KCNH7: variants seen among roughly 807,000 people sequenced by gnomAD.
KCNH7 encodes the protein voltage-gated inwardly rectifying potassium channel KCNH7.
In KCNH7, 49 loss-of-function variants were observed where a neutral mutation model predicts 120.8. The ratio of observed to expected loss-of-function variants is 0.41; its 90% CI spans 0.32 to 0.51. KCNH7 has a LOEUF of 0.51. KCNH7 is among the 20% of genes least tolerant of loss of function. The pLI, the probability that KCNH7 is intolerant of heterozygous loss-of-function variation, is 0.38. For synonymous variants in KCNH7, 547 were observed against 516.1 expected (o/e 1.06, Z -0.81); for missense variants, 1,097 against 1,446.6 (o/e 0.76, Z 3.92).
chr2:162,631,234 C>T (rs766448596), intron 2 of KCNH7, among the ~76,000 whole-genome samples: 5 of 152,114 alleles, frequency 3.3e-5, no homozygotes, highest in Non-Finnish European at 5.9e-5. Context: ...AGATGAGATG[C>T]TTGCCCTGTA....
chr2:162,661,872 T>G (rs896307628), intron 2 of KCNH7, among the ~76,000 whole-genome samples: 1 of 152,182 alleles, frequency 6.6e-6, no homozygotes, highest in East Asian at 1.9e-4. Flanking sequence ...CAGGTCCTGA[T>G]GTTGGGTTTT....
At chr2:162,691,267 C>T (rs1262177786) in intron 2 of KCNH7, among the ~76,000 whole-genome samples, 1 of 152,062 alleles carries the variant, frequency 6.6e-6, no homozygotes, top group Non-Finnish European at 1.5e-5. Context: ...TTTCTAGGAC[C>T]ACTGTTACGA....
chr2:162,540,646 G>C (rs1260188173), intron 2 of KCNH7, among the ~76,000 whole-genome samples: 3 of 152,098 alleles, frequency 2.0e-5, no homozygotes, highest in Non-Finnish European at 4.4e-5. Flanking sequence ...GACAGGGCAA[G>C]GTGGGGAGAG....
chr2:162,534,560 A>G (rs960049551), intron 3 of KCNH7, among the ~76,000 whole-genome samples: 16 of 151,698 alleles, frequency 1.1e-4, no homozygotes, highest in African/African-American at 3.9e-4. Flanking sequence ...GTTAAGATTG[A>G]TAATTTGAGT....
chr2:162,794,358 C>T (rs551101359), intron 2 of KCNH7, among the ~76,000 whole-genome samples: 2 of 151,982 alleles, frequency 1.3e-5, no homozygotes, highest in Non-Finnish European at 2.9e-5. Context: ...ACTGAGCATG[C>T]AATCTACTTC....
At chr2:162,700,348 C>T (rs1209067400) in intron 2 of KCNH7, among the ~76,000 whole-genome samples, 1 of 152,150 alleles carries the variant, frequency 6.6e-6, no homozygotes, top group African/African-American at 2.4e-5. Flanking sequence ...TTCTGAATCC[C>T]TGTTCATGCT....
intron 2 of KCNH7, among the ~76,000 whole-genome samples, chr2:162,728,579 G>A (rs953102827): frequency 6.6e-6 from 1 of 152,134 alleles, no homozygotes; most frequent in Non-Finnish European, 1.5e-5. Context: ...AGGAGTTCGA[G>A]ACCAGCCTGA....
chr2:162,673,061 G>A (rs965946250), intron 2 of KCNH7, among the ~76,000 whole-genome samples: 1 of 151,994 alleles, frequency 6.6e-6, no homozygotes, highest in Non-Finnish European at 1.5e-5. Context: ...CTTTATAATA[G>A]TTCCACATGC....
At chr2:162,567,127 T>C (rs74326976) in intron 2 of KCNH7, among the ~76,000 whole-genome samples, 5 of 151,930 alleles carry the variant, frequency 3.3e-5, no homozygotes, top group African/African-American at 4.8e-5. Context: ...GGAATAAATA[T>C]GAATATGGTC....
At chr2:162,402,165 A>G (rs1057436061) in intron 9 of KCNH7, among the ~76,000 whole-genome samples, 8 of 151,330 alleles carry the variant, frequency 5.3e-5, no homozygotes, top group Admixed American at 1.3e-4. Context: ...CCTCTCCTAC[A>G]TGATAACTTG....
chr2:162,475,437 C>G (rs1689703044), intron 6 of KCNH7, among the ~76,000 whole-genome samples: 1 of 152,192 alleles, frequency 6.6e-6, no homozygotes, highest in African/African-American at 2.4e-5. Flanking sequence ...CTTGCCTTCC[C>G]CGTCTCCACC....
intron 2 of KCNH7, among the ~76,000 whole-genome samples, chr2:162,660,808 G>T (rs12613520): frequency 1.3e-5 from 2 of 151,996 alleles, no homozygotes; most frequent in South Asian, 2.1e-4. Context: ...CTTTAAAATG[G>T]TATATGTCGA....
intron 6 of KCNH7, among the ~76,000 whole-genome samples, chr2:162,455,355 C>G (rs1295416511): frequency 6.6e-6 from 1 of 151,960 alleles, no homozygotes; most frequent in African/African-American, 2.4e-5. Flanking sequence ...TATAGAGGAT[C>G]TTCACATCAA....
chr2:162,572,272 T>G (rs1693507378), intron 2 of KCNH7, among the ~76,000 whole-genome samples: 1 of 151,118 alleles, frequency 6.6e-6, no homozygotes, highest in East Asian at 2.0e-4. Flanking sequence ...AAGACATTTA[T>G]GCAGCCAAAA....
At chr2:162,479,127 T>C (rs1346285287) in intron 6 of KCNH7, among the ~76,000 whole-genome samples, 1 of 149,016 alleles carries the variant, frequency 6.7e-6, no homozygotes, top group East Asian at 2.0e-4. Context: ...ACTGATAGAA[T>C]GAGGCCCTGT....
chr2:162,786,514 C>T (rs967715429), intron 2 of KCNH7, among the ~76,000 whole-genome samples: 1 of 151,880 alleles, frequency 6.6e-6, no homozygotes, highest in African/African-American at 2.4e-5. Flanking sequence ...ATAAACCAAA[C>T]AAATTTTAAA....
intron 2 of KCNH7, among the ~76,000 whole-genome samples, chr2:162,541,662 G>C (rs1417185090): frequency 6.6e-6 from 1 of 152,044 alleles, no homozygotes; most frequent in Non-Finnish European, 1.5e-5. Flanking sequence ...ATACATGTGG[G>C]GGAACAACAC....
intron 2 of KCNH7, among the ~76,000 whole-genome samples, chr2:162,594,471 T>G (rs976420937): frequency 6.6e-6 from 1 of 152,000 alleles, no homozygotes; most frequent in Non-Finnish European, 1.5e-5. Flanking sequence ...AGGCCAGCAT[T>G]ACTGTAATAA....
intron 2 of KCNH7, among the ~76,000 whole-genome samples, chr2:162,674,622 A>C (rs1685473849): frequency 6.6e-6 from 1 of 151,772 alleles, no homozygotes. Flanking sequence ...TAATTAAAAG[A>C]GATGATATAG....
Sources: gnomAD v4.1 joint callset for allele counts (sites outside exome capture counted in the v4.1 genomes callset) on GRCh38, gnomAD v4.1.1 for gene constraint, MANE v1.5 for transcripts, NCBI Gene and HGNC (gene_info 2026-07-23, HGNC 2026-07-21) for gene names.